TASP1: variants seen among roughly 807,000 people sequenced by gnomAD.
TASP1 encodes threonine aspartase 1.
TASP1 carries 16 observed loss-of-function variants against 56.6 expected under a neutral mutation model. The observed-to-expected ratio is 0.28, with a 90% confidence interval of 0.19 to 0.43. The LOEUF is 0.43. Among genes scored for constraint, TASP1 ranks in the 20% least tolerant of loss-of-function variants. The pLI, the probability that TASP1 is intolerant of heterozygous loss-of-function variation, is 1.00. For synonymous variants in TASP1, 179 were observed against 184.2 expected, an observed-to-expected ratio of 0.97 and a Z score of 0.23; for missense variants, 393 against 511.6, an observed-to-expected ratio of 0.77 and a Z score of 2.24.
At chr20:13,114,846 A>G in the TASP1 span, among the ~76,000 whole-genome samples, 2 of 152,138 alleles carry the variant, frequency 1.3e-5, no homozygotes, top group Non-Finnish European at 2.9e-5. Context: ...AGTGGCTAAT[A>G]TGGTTTATAT....
the TASP1 span, among the ~76,000 whole-genome samples, chr20:13,378,439 CTGTT>C: frequency 0.01 from 1,575 of 152,226 alleles, 24 homozygotes; most frequent in African/African-American, 0.036. Context: ...GTCTGAGAGA[CTGTT>C]TGTTATGATT....
the TASP1 span, among the ~76,000 whole-genome samples, chr20:13,183,257 C>T: frequency 2.0e-5 from 3 of 152,162 alleles, no homozygotes. Flanking sequence ...GATTAATCAG[C>T]CTGCCAACTG....
intron 11 of TASP1, among the ~76,000 whole-genome samples, chr20:13,443,776 T>C (rs2043302736): frequency 6.6e-6 from 1 of 152,212 alleles, no homozygotes; most frequent in African/African-American, 2.4e-5. Context: ...CATATTATTT[T>C]GGTTGCTAGT....
At chr20:13,625,330 A>C in intron 2 of TASP1, 78 bp from the exon 3 acceptor site, 1 of 1,187,738 alleles carries the variant, frequency 8.4e-7, no homozygotes, top group Non-Finnish European at 1.2e-6. Context: ...ACTCCATATA[A>C]ACTGATGCTG....
the TASP1 span, chr20:13,110,249 C>G: frequency 1.3e-6 from 2 of 1,579,198 alleles, no homozygotes; most frequent in Non-Finnish European, 1.7e-6. Context: ...TTTTACGACT[C>G]GGAGGCCTGC....
intron 9 of TASP1, among the ~76,000 whole-genome samples, 175 bp from the exon 10 acceptor site, chr20:13,528,686 A>C (rs1264640748): frequency 6.6e-6 from 1 of 152,156 alleles, no homozygotes; most frequent in African/African-American, 2.4e-5. Context: ...ATACTATCAA[A>C]ACTATGTTTT....
chr20:13,618,819 C>T (rs2048610771), intron 4 of TASP1, among the ~76,000 whole-genome samples: 4 of 151,812 alleles, frequency 2.6e-5, no homozygotes, highest in African/African-American at 9.6e-5. Flanking sequence ...ACAAAGGAAC[C>T]TGTATAATTT....
intron 10 of TASP1, among the ~76,000 whole-genome samples, chr20:13,486,114 G>T (rs985265355): frequency 1.3e-5 from 2 of 152,110 alleles, no homozygotes; most frequent in African/African-American, 4.8e-5. Flanking sequence ...TCTCCTGTAG[G>T]TTCCAATCAA....
chr20:13,415,656 C>A (rs924145176), intron 13 of TASP1, among the ~76,000 whole-genome samples: 1 of 151,892 alleles, frequency 6.6e-6, no homozygotes, highest in African/African-American at 2.4e-5. Flanking sequence ...AGCAATATAA[C>A]TGGAGGCCAA....
At chr20:13,402,870 G>C (rs6109856) in intron 13 of TASP1, among the ~76,000 whole-genome samples, 2,540 of 152,332 alleles carry the variant, frequency 0.017, 71 homozygotes, top group African/African-American at 0.056. Context: ...TGGAATACAA[G>C]AAGATTGCCT....
chr20:13,547,048 T>C (rs950474326), intron 8 of TASP1, among the ~76,000 whole-genome samples: 1 of 152,232 alleles, frequency 6.6e-6, no homozygotes, highest in African/African-American at 2.4e-5. Flanking sequence ...GGGTTTTCTC[T>C]TTCAAAATTA....
chr20:13,617,983 A>G (rs1309219014), intron 4 of TASP1, among the ~76,000 whole-genome samples: 1 of 152,082 alleles, frequency 6.6e-6, no homozygotes, highest in Admixed American at 6.6e-5. Context: ...TCCAGCCAGA[A>G]GTATAGAGCC....
chr20:13,604,180 T>C (rs1468475811), intron 4 of TASP1, among the ~76,000 whole-genome samples: 1 of 152,212 alleles, frequency 6.6e-6, no homozygotes, highest in Non-Finnish European at 1.5e-5. Flanking sequence ...TGACATGGTC[T>C]GGATGTTTTG....
At chr20:13,470,159 A>C (rs1381384119) in intron 11 of TASP1, among the ~76,000 whole-genome samples, 1 of 151,910 alleles carries the variant, frequency 6.6e-6, no homozygotes, top group Non-Finnish European at 1.5e-5. Flanking sequence ...TATCTCTCTA[A>C]TCACTCTTCC....
chr20:13,382,627 C>A, the TASP1 span, among the ~76,000 whole-genome samples: 1 of 152,188 alleles, frequency 6.6e-6, no homozygotes, highest in Non-Finnish European at 1.5e-5. Flanking sequence ...GCCTGGGCAA[C>A]AGAGGGAGAC....
At chr20:13,129,469 T>C in the TASP1 span, among the ~76,000 whole-genome samples, 1 of 152,244 alleles carries the variant, frequency 6.6e-6, no homozygotes, top group Non-Finnish European at 1.5e-5. Context: ...AAATCAATTA[T>C]TTGAGATTTA....
chr20:13,239,727 ATGT>A, the TASP1 span: 3 of 152,196 alleles, frequency 2.0e-5, no homozygotes, highest in Non-Finnish European at 4.4e-5. Context: ...AAATTCTAGA[ATGT>A]TGTTGTAGGC....
the TASP1 span, among the ~76,000 whole-genome samples, chr20:13,259,213 G>A: frequency 0.094 from 14,251 of 151,260 alleles, 853 homozygotes; most frequent in East Asian, 0.19. Context: ...CCCAGGAGGC[G>A]GAGGTTGCAG....
intron 5 of TASP1, among the ~76,000 whole-genome samples, chr20:13,583,566 A>G (rs373111568): frequency 6.6e-6 from 1 of 152,202 alleles, no homozygotes; most frequent in East Asian, 1.9e-4. Flanking sequence ...TACCCAGACT[A>G]ATACAATGTC....
Sources: allele counts gnomAD v4.1 joint callset (sites outside exome capture counted in the v4.1 genomes callset), GRCh38; gene constraint gnomAD v4.1.1; transcripts MANE v1.5; gene names NCBI Gene and HGNC (gene_info 2026-07-23, HGNC 2026-07-21).